COL8A2: variants seen among roughly 807,000 people sequenced by gnomAD.
The protein encoded by COL8A2 is collagen type VIII alpha 2 chain, also known as collagen alpha-2(VIII) chain.
Under a neutral mutation model 24.0 loss-of-function variants are expected in COL8A2, and 16 were observed. The ratio of observed to expected loss-of-function variants is 0.67; its 90% CI spans 0.45 to 1.01. The LOEUF is 1.01. Among genes scored for constraint, COL8A2 ranks in the 50% least tolerant of loss-of-function variants. The probability of loss-of-function intolerance (pLI) is 0.00; values close to 1 mark genes in which losing one functional copy is unlikely to be tolerated. For missense variants in COL8A2, 818 were observed against 942.4 expected (o/e 0.87, Z 1.73); for synonymous variants, 466 against 424.5 (o/e 1.10, Z -1.20).
At chr1:36,114,341 G>T (rs1643869543) in intron 2 of COL8A2, among the ~76,000 whole-genome samples, 1 of 137,224 alleles carries the variant, frequency 7.3e-6, no homozygotes, top group African/African-American at 2.7e-5. Context: ...AAAAAATACA[G>T]GTTCGTTGGC....
At chr1:36,100,887 CTTTTTTTTTTTTTTTTTTT>C (rs139330748) in intron 2 of COL8A2, among the ~76,000 whole-genome samples, 3 of 50,132 alleles carry the variant, frequency 6.0e-5, no homozygotes, top group South Asian at 1.3e-3. Context: ...GCATTCAAGG[CTTTTTTTTTTTTTTTTTTT>C]TTTTTTTTTT....
intron 2 of COL8A2, among the ~76,000 whole-genome samples, chr1:36,103,434 G>A (rs1337725568): frequency 4.0e-5 from 6 of 151,620 alleles, no homozygotes; most frequent in Admixed American, 1.3e-4. Context: ...CAACACGCCC[G>A]GCTAATTTTT....
chr1:36,102,098 G>C (rs1396204747), intron 2 of COL8A2, among the ~76,000 whole-genome samples: 2 of 152,116 alleles, frequency 1.3e-5, no homozygotes, highest in Non-Finnish European at 2.9e-5. Context: ...AGGATCACTT[G>C]AGCTCAGGAG....
At chr1:36,116,627 A>G (rs1036759097) in intron 1 of COL8A2, among the ~76,000 whole-genome samples, 2 of 152,244 alleles carry the variant, frequency 1.3e-5, no homozygotes, top group Non-Finnish European at 2.9e-5. Flanking sequence ...TGCCGACTTA[A>G]GCTTCCCCTG....
In COL8A2 at chr1:36,123,502, G is replaced by A. The variant is rs144135025; in HGVS notation, c.-62+1555C>T. 5.3e-3 allele frequency among the ~76,000 whole-genome samples: 808 copies of A among 152,250 alleles called. 14 individuals carry two copies. Among genetic ancestry groups the A allele is most frequent in the Admixed American group, 0.023 (356 of 15,292 alleles). The stretch of plus-strand genomic sequence containing the variant: ...AATTCTCATTTTCACTGTGGTAGAC[G>A]AAGTGAAACCAGAGAAAGAGACCCT... On this transcript the variant is annotated intron_variant, in intron 1 of 3. Coordinates refer to ENST00000397799, the MANE Select transcript of COL8A2 (RefSeq NM_005202.4). The surrounding 1 kb of genome is among the most constrained non-coding windows in gnomAD (Gnocchi z 4.1).
At chr1:36,099,905 G>A (rs750258820) in intron 3 of COL8A2, 145 bp downstream of exon 3, 1 of 760,840 alleles carries the variant, frequency 1.3e-6, no homozygotes, top group Non-Finnish European at 2.3e-6. Context: ...GCCCTCTGGG[G>A]TATTAGGAAA....
At chr1:36,114,803 C>T (rs982075243) in intron 2 of COL8A2, among the ~76,000 whole-genome samples, 1 of 152,142 alleles carries the variant, frequency 6.6e-6, no homozygotes, top group Non-Finnish European at 1.5e-5. Flanking sequence ...GCCAAGCCCT[C>T]AGGTGGCTTA....
intron 2 of COL8A2, among the ~76,000 whole-genome samples, chr1:36,114,340 A>G (rs1643869535): frequency 6.8e-6 from 1 of 147,924 alleles, no homozygotes; most frequent in African/African-American, 2.5e-5. Flanking sequence ...AAAAAAATAC[A>G]GGTTCGTTGG....
chr1:36,115,805 T>G lies in COL8A2; in HGVS notation c.-61-53A>C, dbSNP rs1643876381. The stretch of plus-strand genomic sequence containing the variant: ...GCTATGGGGCAGTGGCTCAAGCTTG[T>G]AATCCCAGCACTTTGGGAGGCTAAG... On this transcript the variant is annotated intron_variant, in intron 1 of 3. Coordinates refer to ENST00000397799, the MANE Select transcript of COL8A2 (RefSeq NM_005202.4). This position sits in a 1 kb window ranked among gnomAD's most constrained non-coding sequence, Gnocchi z 5.7. 1.0e-6 allele frequency: 1 copy of G among 954,478 alleles called. No homozygotes were observed. Among genetic ancestry groups the G allele is most frequent in the Admixed American group, 6.2e-5 (1 of 16,206 alleles). 59.1% of individuals were successfully genotyped at this position (954,478 alleles called of 1,614,324 possible).
intron 2 of COL8A2, among the ~76,000 whole-genome samples, chr1:36,108,535 A>G (rs1643793757): frequency 6.6e-6 from 1 of 152,168 alleles, no homozygotes; most frequent in Non-Finnish European, 1.5e-5. Context: ...CCTCGGGTAG[A>G]TGCAGTGTTT....
At chr1:36,104,582 C>T (rs1230304625) in intron 2 of COL8A2, among the ~76,000 whole-genome samples, 2 of 151,444 alleles carry the variant, frequency 1.3e-5, no homozygotes, top group African/African-American at 2.4e-5. Context: ...CCGAGGCGGG[C>T]GGATCATGAG....
intron 1 of COL8A2, among the ~76,000 whole-genome samples, chr1:36,120,266 C>A (rs923200202): frequency 2.6e-5 from 4 of 151,970 alleles, no homozygotes; most frequent in African/African-American, 9.7e-5. Flanking sequence ...ACAGCCTGAC[C>A]AACATGGCGA....
Position 36,119,968 on chromosome 1 carries a change from CAGGACCCCCAGCTCAGGCCCCGCCTCT to C in COL8A2, c.-61-4243_-61-4217del, listed in dbSNP as rs1643898503. On this transcript the variant is annotated intron_variant, in intron 1 of 3. Coordinates refer to ENST00000397799, the MANE Select transcript of COL8A2 (RefSeq NM_005202.4). ...CAGTGGCAGAATTGAGACCAGAGGC[CAGGACCCCCAGCTCAGGCCCCGCCTCT>C]TCACAGAGGCTTCCCTCCCTTGCAG... Among the ~76,000 whole-genome samples the C allele has an allele frequency of 1.1e-4, 17 of 152,250 alleles. No individual in the cohort carries two copies. The South Asian group carries it at 3.1e-3, about 28-fold the overall frequency.
At chr1:36,119,089 G>T (rs1398723210) in intron 1 of COL8A2, among the ~76,000 whole-genome samples, 2 of 152,166 alleles carry the variant, frequency 1.3e-5, no homozygotes, top group African/African-American at 4.8e-5. Context: ...AAGAGTGCTA[G>T]GTCCCAGAGA....
Position 36,098,606 on chromosome 1 carries a change from G to A in COL8A2, c.1075C>T (p.Pro359Ser), listed in dbSNP as rs1036279189. 1 of 1,610,972 alleles carries A rather than the reference G, an allele frequency of 6.2e-7. No homozygotes were observed. The highest frequency in any genetic ancestry group is 8.5e-7 in the Non-Finnish European group (1 of 1,179,170). ...CCTGCAGACCCAGGAAGTCCAGGGG[G>A]ACCCCCAAGACCCTGTGGGCCCTGC... ...GEQGPQGLGG[P>S]PGLPGSAGLP... is the part of the protein sequence containing the mutation. The change falls in exon 4 of 4, where the codon CCC (proline) becomes TCC (serine). Residue 359 changes from proline (P) to serine (S), a missense_variant. Physicochemically the swap from Pro to Ser is moderately conservative, Grantham distance 74 (BLOSUM62 -1). This residue lies in a region of COL8A2 where 573 missense variants were observed against 616.8 expected (regional missense o/e 0.93). Coordinates refer to ENST00000397799, the MANE Select transcript of COL8A2 (RefSeq NM_005202.4).
rs12022276 is a variant in COL8A2, at chr1:36,115,411, G to A, written c.-17+297C>T. On this transcript the variant is annotated intron_variant, in intron 2 of 3. Coordinates refer to ENST00000397799, the MANE Select transcript of COL8A2 (RefSeq NM_005202.4). The surrounding 1 kb of genome is among the most constrained non-coding windows in gnomAD (Gnocchi z 5.7). ...AGGGGCTGGGCTGGGCAGGGAGGGG[G>A]CCTGGCGGGAGCACAGCCAGGCCAC... Among the ~76,000 whole-genome samples, 62 of 152,266 alleles carry A rather than the reference G, an allele frequency of 4.1e-4. 1 individual carries two copies. In the East Asian group the frequency reaches 0.011, roughly 28 times the overall value.
At chr1:36,120,975 G>A (rs1471147978) in intron 1 of COL8A2, among the ~76,000 whole-genome samples, 5 of 151,550 alleles carry the variant, frequency 3.3e-5, no homozygotes, top group Non-Finnish European at 7.4e-5. Flanking sequence ...TGTAATCCCA[G>A]CTACTCAGGA....
Position 36,098,064 on chromosome 1 carries a change from A to G in COL8A2, c.1617T>C (p.Thr539=), listed in dbSNP as rs1339021559. ...TGGGCAGGTGCAAGCCTGCGATGCC[A>G]GTCTCATCGAAGGCCCCAGGGGCAC... ...PPGAPGAFDE[T]GIAGLHLPNG... Residue 539 remains threonine, a synonymous_variant, in exon 4 of 4, where the codon ACT becomes ACC. Coordinates refer to ENST00000397799, the MANE Select transcript of COL8A2 (RefSeq NM_005202.4). The G allele has an allele frequency of 1.3e-6, 2 of 1,577,128 alleles. No individual in the cohort carries two copies. The highest frequency in any genetic ancestry group is 2.2e-5 in the East Asian group (1 of 44,462).
Position 36,099,440 on chromosome 1 carries a change from G to C in COL8A2, c.241C>G (p.Pro81Ala). The C allele has an allele frequency of 6.5e-7, 1 of 1,545,588 alleles. No individual in the cohort carries two copies. The highest frequency in any genetic ancestry group is 1.4e-5 in the African/African-American group (1 of 73,840). The part of the protein sequence containing the change: ...LPMDLKGEPG[P>A]PGKPGPRGPP... Reference sequence around the variant, plus strand: ...CCCCGAGGCCCGGGCTTCCCAGGGGGGCCGGGCTCTCCCTTCAGGTCCATC... The same window carrying C: ...CCCCGAGGCCCGGGCTTCCCAGGGGCGCCGGGCTCTCCCTTCAGGTCCATC... Residue 81 changes from proline (P) to alanine (A), a missense_variant, in exon 4 of 4, where the codon CCC (proline) becomes GCC (alanine). Transcript: ENST00000397799.
Sources: gnomAD v4.1 joint callset for allele counts (sites outside exome capture counted in the v4.1 genomes callset) on GRCh38, gnomAD v4.1.1 for gene constraint, gnomAD v4.1.1 regional missense constraint, Gnocchi (gnomAD v3.1) non-coding constraint, MANE v1.5 for transcripts, NCBI Gene and HGNC (gene_info 2026-07-23, HGNC 2026-07-21) for gene names.